Variants in CDH23 observed in about 807,000 individuals in gnomAD.
CDH23 encodes cadherin related 23, also known as cadherin-23.
A neutral mutation model predicts 317.1 loss-of-function variants in CDH23; 189 were observed. The ratio of observed to expected loss-of-function variants is 0.60; its 90% CI spans 0.53 to 0.67. The LOEUF (loss-of-function observed/expected upper bound fraction) is 0.67, where lower values mean the gene tolerates loss of function less well. Ranked by LOEUF, CDH23 falls within the 30% of genes least tolerant of loss-of-function variation. The probability of loss-of-function intolerance (pLI) is 0.00; values close to 1 mark genes in which losing one functional copy is unlikely to be tolerated. For missense variants in CDH23, 4,401 were observed against 4,592.4 expected (o/e 0.96, Z 1.20); for synonymous variants, 1,839 against 1,876.8 (o/e 0.98, Z 0.52).
chr10:71,537,480 T>A (rs962611644), intron 6 of CDH23, among the ~76,000 whole-genome samples: 3 of 152,216 alleles, frequency 2.0e-5, no homozygotes, highest in African/African-American at 2.4e-5. Flanking sequence ...TTTTTCTTGG[T>A]ATCACTGATG....
intron 3 of CDH23, among the ~76,000 whole-genome samples, chr10:71,492,629 C>A (rs920930986): frequency 2.6e-5 from 4 of 152,136 alleles, no homozygotes; most frequent in African/African-American, 9.7e-5. Context: ...TTTTTTCATT[C>A]ATCCATTCAT....
intron 1 of CDH23, among the ~76,000 whole-genome samples, chr10:71,405,344 T>A (rs1390113777): frequency 1.3e-5 from 2 of 151,860 alleles, no homozygotes; most frequent in East Asian, 3.9e-4. Flanking sequence ...AGGGAACCAG[T>A]GGCAATGGAA....
At chr10:71,643,748 C>T (rs1419201825) in intron 11 of CDH23, 113 bp from the exon 12 acceptor site, 3 of 713,060 alleles carry the variant, frequency 4.2e-6, no homozygotes, top group East Asian at 5.0e-5. Context: ...GGGGTCCCTC[C>T]CATGACCCAG....
intron 6 of CDH23, among the ~76,000 whole-genome samples, chr10:71,532,332 T>G (rs1007474081): frequency 6.6e-6 from 1 of 152,228 alleles, no homozygotes; most frequent in Non-Finnish European, 1.5e-5. Flanking sequence ...TGGCTGCGTC[T>G]AAGGGAGAGA....
chr10:71,694,753 G>A (rs993694196), intron 21 of CDH23, among the ~76,000 whole-genome samples: 1 of 152,168 alleles, frequency 6.6e-6, no homozygotes, highest in African/African-American at 2.4e-5. Context: ...GAAGTGAAAG[G>A]GGAAGTGAGA....
chr10:71,400,422 T>G (rs1170362879), intron 1 of CDH23, among the ~76,000 whole-genome samples: 1 of 130,318 alleles, frequency 7.7e-6, no homozygotes, highest in African/African-American at 4.5e-5. Context: ...GGAGGAACTA[T>G]GGGAGACACA....
At chr10:71,697,757 AC>A (rs1400867386) in intron 22 of CDH23, among the ~76,000 whole-genome samples, 1 of 151,432 alleles carries the variant, frequency 6.6e-6, no homozygotes, top group African/African-American at 2.4e-5. Context: ...TTCCCATCTC[AC>A]CCTGTGCAAA....
intron 14 of CDH23, among the ~76,000 whole-genome samples, chr10:71,650,150 G>A (rs1307699442): frequency 6.6e-6 from 1 of 152,236 alleles, no homozygotes; most frequent in Non-Finnish European, 1.5e-5. Flanking sequence ...TGGCGCTCAA[G>A]ACTTTTAGGG....
chr10:71,704,852 G>A, intron 24 of CDH23, 59 bp from the exon 25 acceptor site: 2 of 1,334,038 alleles, frequency 1.5e-6, no homozygotes, highest in Non-Finnish European at 2.2e-6. Flanking sequence ...CTTCTTGGGG[G>A]AGAAGCATCC....
Position 71,440,103 on chromosome 10 carries a change from A to C in CDH23, c.67+205A>C, listed in dbSNP as rs117165761. Reference sequence around the variant, plus strand: ...AGGGCTGAAAATACCAGCTGTCCCCAAAGCCTGGGACACAAGAGGGAATGG... The same window carrying C: ...AGGGCTGAAAATACCAGCTGTCCCCCAAGCCTGGGACACAAGAGGGAATGG... On this transcript the variant is annotated intron_variant, in intron 2 of 69. Transcript: ENST00000224721. Among the ~76,000 whole-genome samples, 7 of 152,314 alleles carry C rather than the reference A, an allele frequency of 4.6e-5. No homozygotes were observed. The South Asian group carries it at 1.5e-3, about 32-fold the overall frequency.
In CDH23 at chr10:71,511,216, G is replaced by A. The variant is rs397517328; in HGVS notation, c.429+4G>A. On this transcript the variant is annotated splice_donor_region_variant and intron_variant, in intron 6 of 69. Coordinates refer to ENST00000224721, the MANE Select transcript of CDH23 (RefSeq NM_022124.6). ...CTACAGCGTCCGCATCCCTGAGGTA[G>A]GAGCCACTGGGGTTACCCTTGAGGG... 1,135 of 1,612,558 alleles carry A rather than the reference G, an allele frequency of 7.0e-4. 8 individuals carry two copies. In the South Asian group the frequency reaches 0.012, roughly 16 times the overall value.
At chr10:71,648,405 T>G (rs1863002032) in intron 14 of CDH23, among the ~76,000 whole-genome samples, 1 of 152,228 alleles carries the variant, frequency 6.6e-6, no homozygotes, top group Non-Finnish European at 1.5e-5. Flanking sequence ...GGGGAGGCTC[T>G]GTCCCCTGTG....
At chr10:71,585,745 G>C (rs1467722191) in intron 9 of CDH23, among the ~76,000 whole-genome samples, 1 of 152,210 alleles carries the variant, frequency 6.6e-6, no homozygotes, top group Non-Finnish European at 1.5e-5. Flanking sequence ...CTGCCAGCCG[G>C]CCTCTCCTGA....
rs1212690615 is a variant in CDH23 at position 71,805,813 on chromosome 10, C to T, written c.7880C>T (p.Pro2627Leu). Residue 2627 changes from proline (P) to leucine (L), a missense_variant, in exon 56 of 70, where the codon CCG becomes CTG. Physicochemically the swap from Pro to Leu is moderately conservative, Grantham distance 98. This residue lies in a region of CDH23 where 1,144 missense variants were observed against 1,138.2 expected (regional missense o/e 1.01). Coordinates refer to ENST00000224721, the MANE Select transcript of CDH23 (RefSeq NM_022124.6). ...TCCCCATGCTCCCCACAGGAGATCC[C>T]GCTGCGCTCCAACGTGTACGAGGTC... ...GTILHIREEIPLRSNVYEVYA... is the reference protein window; with the variant it reads ...GTILHIREEILLRSNVYEVYA... The T allele has an allele frequency of 2.5e-6, 4 of 1,612,532 alleles. No homozygotes were observed. In the African/African-American group the frequency reaches 4.0e-5, roughly 16 times the overall value.
chr10:71,465,713 A>G (rs568766530), intron 3 of CDH23, among the ~76,000 whole-genome samples: 81 of 152,336 alleles, frequency 5.3e-4, no homozygotes, highest in Admixed American at 8.5e-4. Flanking sequence ...CTTCCCTGGG[A>G]AAAAAACAAC....
intron 22 of CDH23, among the ~76,000 whole-genome samples, chr10:71,700,418 T>C (rs561959870): frequency 1.3e-5 from 2 of 152,310 alleles, no homozygotes; most frequent in African/African-American, 4.8e-5. Context: ...TTTCAAACTG[T>C]TGAGAGAAGC....
chr10:71,706,978 T>C lies in CDH23; in HGVS notation c.3035T>C (p.Phe1012Ser), dbSNP rs774623499. Residue 1012 changes from phenylalanine (F) to serine (S), a missense_variant, in exon 26 of 70, where the codon TTC (phenylalanine) becomes TCC (serine). By Grantham distance (155) the Phe-to-Ser change is radical (BLOSUM62 -2). This residue lies in a region of CDH23 where 3,068 missense variants were observed against 3,203.3 expected (regional missense o/e 0.96). Transcript: ENST00000224721. ...VSVSEDVPRE[F>S]RVVWLNCTDN... is the part of the protein sequence containing the mutation. ...GTGTCCGAGGACGTGCCACGCGAGT[T>C]CCGGGTGGTCTGGCTGAACTGCACG... is the stretch of plus-strand genomic sequence containing the variant. 60 of 1,607,694 alleles carry C rather than the reference T, an allele frequency of 3.7e-5. No homozygotes were observed. The highest frequency in any genetic ancestry group is 4.8e-5 in the Non-Finnish European group (57 of 1,177,320).
chr10:71,485,778 C>A (rs921809641), intron 3 of CDH23, among the ~76,000 whole-genome samples: 5 of 152,152 alleles, frequency 3.3e-5, no homozygotes, highest in Non-Finnish European at 7.3e-5. Context: ...TGCTGGAGTC[C>A]CTTACTCCAG....
intron 34 of CDH23, among the ~76,000 whole-genome samples, chr10:71,736,524 A>G (rs1028796423): frequency 2.6e-5 from 4 of 152,164 alleles, no homozygotes; most frequent in African/African-American, 9.7e-5. Context: ...TTCAGGGGGT[A>G]GGGGAGGGCA....
Sources: allele counts gnomAD v4.1 joint callset (sites outside exome capture counted in the v4.1 genomes callset), GRCh38; gene constraint gnomAD v4.1.1; regional missense constraint gnomAD v4.1.1; transcripts MANE v1.5; gene names NCBI Gene and HGNC (gene_info 2026-07-23, HGNC 2026-07-21).